Variants in CSMD3 observed in about 807,000 individuals in gnomAD.
CSMD3 encodes CUB and sushi domain-containing protein 3.
Under a neutral mutation model 435.2 loss-of-function variants are expected in CSMD3, and 177 were observed. That is an observed-to-expected ratio of 0.41 (90% confidence interval 0.36 to 0.46). The LOEUF (loss-of-function observed/expected upper bound fraction) is 0.46, where lower values mean the gene tolerates loss of function less well. Among genes scored for constraint, CSMD3 ranks in the 20% least tolerant of loss-of-function variants. CSMD3 has a pLI of 0.34. For synonymous variants in CSMD3, 1,656 were observed against 1,520.5 expected, an observed-to-expected ratio of 1.09 and a Z score of -2.07; for missense variants, 4,265 against 4,504.6, an observed-to-expected ratio of 0.95 and a Z score of 1.52.
chr8:113,433,973 G>A (rs1563817791), intron 1 of CSMD3, among the ~76,000 whole-genome samples: 2 of 152,126 alleles, frequency 1.3e-5, no homozygotes, highest in Non-Finnish European at 2.9e-5. Flanking sequence ...CCTCAGTTTG[G>A]TGCTCTCCAC....
chr8:113,424,190 G>A lies in CSMD3; in HGVS notation c.178+12487C>T, dbSNP rs138172364. ...ATGAGAAAAATGTGAAATACGTGATGATATTTGATGACTTTCCAAACTTTG... is the reference window on the plus strand; with the variant it reads ...ATGAGAAAAATGTGAAATACGTGATAATATTTGATGACTTTCCAAACTTTG... On this transcript the variant is annotated intron_variant, in intron 1 of 70. Coordinates refer to ENST00000297405, the MANE Select transcript of CSMD3 (RefSeq NM_198123.2). Among the ~76,000 whole-genome samples, 8 of 151,766 alleles carry A rather than the reference G, an allele frequency of 5.3e-5. No individual in the cohort carries two copies. The East Asian group carries it at 7.7e-4, about 15-fold the overall frequency.
chr8:113,232,671 A>G (rs2093101760), intron 3 of CSMD3, among the ~76,000 whole-genome samples: 1 of 151,766 alleles, frequency 6.6e-6, no homozygotes. Context: ...AGAAGGAGTA[A>G]TGTCCAGTAT....
intron 4 of CSMD3, among the ~76,000 whole-genome samples, chr8:113,169,342 A>T (rs906357782): frequency 1.3e-5 from 2 of 152,134 alleles, no homozygotes; most frequent in Non-Finnish European, 2.9e-5. Context: ...AATTTACCAT[A>T]CAACATCTAC....
At chr8:113,419,942 A>T (rs2094601933) in intron 1 of CSMD3, among the ~76,000 whole-genome samples, 1 of 152,168 alleles carries the variant, frequency 6.6e-6, no homozygotes. Flanking sequence ...ACAAATATCT[A>T]ATTAAAACTT....
intron 9 of CSMD3, among the ~76,000 whole-genome samples, chr8:112,926,278 G>A (rs1374422278): frequency 6.6e-6 from 1 of 152,030 alleles, no homozygotes; most frequent in Non-Finnish European, 1.5e-5. Context: ...GTGTTTGTGT[G>A]TGTGTATGCA....
chr8:113,426,301 C>T (rs1486005927), intron 1 of CSMD3, among the ~76,000 whole-genome samples: 1 of 151,274 alleles, frequency 6.6e-6, no homozygotes, highest in Non-Finnish European at 1.5e-5. Flanking sequence ...AACTAAATCA[C>T]TTCTAAAAAT....
intron 5 of CSMD3, among the ~76,000 whole-genome samples, chr8:113,090,380 A>G (rs909453416): frequency 6.6e-6 from 1 of 152,172 alleles, no homozygotes; most frequent in Non-Finnish European, 1.5e-5. Context: ...ATATTTGTTT[A>G]TTTAAAAATG....
intron 3 of CSMD3, among the ~76,000 whole-genome samples, chr8:113,189,833 T>C (rs2092558966): frequency 6.6e-6 from 1 of 151,866 alleles, no homozygotes; most frequent in Non-Finnish European, 1.5e-5. Context: ...ACATCAATAA[T>C]TATAGACTGC....
chr8:112,846,625 G>T (rs765993427), intron 11 of CSMD3, among the ~76,000 whole-genome samples: 2 of 151,756 alleles, frequency 1.3e-5, no homozygotes, highest in Non-Finnish European at 2.9e-5. Flanking sequence ...GCTCAGGATG[G>T]TCTCAAATTC....
intron 9 of CSMD3, among the ~76,000 whole-genome samples, chr8:112,930,600 A>C (rs2083074114): frequency 6.6e-6 from 1 of 152,074 alleles, no homozygotes; most frequent in South Asian, 2.1e-4. Flanking sequence ...AATATAAATT[A>C]TTAAAAGAAT....
At position 112,231,472 on chromosome 8, in the gene CSMD3, G is replaced by C. The variant is rs1813080358; in HGVS notation, c.10828+73C>G. The C allele has an allele frequency of 6.3e-6, 6 of 946,460 alleles. No homozygotes were observed. In the South Asian group the frequency reaches 7.8e-5, roughly 12 times the overall value. 58.6% of individuals were successfully genotyped at this position (946,460 alleles called of 1,614,324 possible). ...ATGCAGTAAGTGTACCTAATGTACA[G>C]AATCCACAGTCTTTTTTTTATGATG... On this transcript the variant is annotated intron_variant, in intron 69 of 70. Transcript: ENST00000297405.
rs528524953 is a variant in CSMD3 at position 112,718,807 on chromosome 8, G to T, written c.1973-28757C>A. 5.9e-5 allele frequency among the ~76,000 whole-genome samples: 9 copies of T among 152,098 alleles called. No homozygotes were observed. The South Asian group carries it at 1.9e-3, about 32-fold the overall frequency. Reference sequence around the variant, plus strand: ...CCCACTTATCTGAAGGTGTATAGATGTATGAACCTTGTCTATTTTGTCTTC... The same window carrying T: ...CCCACTTATCTGAAGGTGTATAGATTTATGAACCTTGTCTATTTTGTCTTC... On this transcript the variant is annotated intron_variant, in intron 13 of 70. Transcript: ENST00000297405.
chr8:112,524,978 G>A (rs1351491389), intron 27 of CSMD3, among the ~76,000 whole-genome samples: 1 of 151,172 alleles, frequency 6.6e-6, no homozygotes, highest in African/African-American at 2.4e-5. Flanking sequence ...ATTTTTATTA[G>A]TATTGCCAGA....
chr8:113,229,038 T>A (rs1260811922), intron 3 of CSMD3, among the ~76,000 whole-genome samples: 1 of 151,674 alleles, frequency 6.6e-6, no homozygotes, highest in Non-Finnish European at 1.5e-5. Flanking sequence ...GCATTATTAA[T>A]CATGTATCTC....
At chr8:113,118,686 T>A (rs1442929196) in intron 4 of CSMD3, among the ~76,000 whole-genome samples, 1 of 152,198 alleles carries the variant, frequency 6.6e-6, no homozygotes, top group Non-Finnish European at 1.5e-5. Flanking sequence ...GTATTATTAT[T>A]TTAATAGTGC....
rs542920531 is a variant in CSMD3, at chr8:112,637,971, T to C, written c.3526+725A>G. Among the ~76,000 whole-genome samples the C allele has an allele frequency of 1.3e-4, 19 of 151,950 alleles. 1 individual carries two copies. In the South Asian group the frequency reaches 3.9e-3, roughly 31 times the overall value. ...AGATTTACTTATTAATTTGTGTCTG[T>C]ATTAAGAAATAGCTAGTTGTGTTCA... On this transcript the variant is annotated intron_variant, in intron 21 of 70. Coordinates refer to ENST00000297405, the MANE Select transcript of CSMD3 (RefSeq NM_198123.2).
At chr8:113,196,374 T>C (rs1023371158) in intron 3 of CSMD3, among the ~76,000 whole-genome samples, 2 of 151,208 alleles carry the variant, frequency 1.3e-5, no homozygotes, top group African/African-American at 4.8e-5. Flanking sequence ...ACACATGACT[T>C]ATTTGGGAAA....
intron 6 of CSMD3, among the ~76,000 whole-genome samples, chr8:113,002,497 T>C (rs145966850): frequency 3.3e-5 from 5 of 152,194 alleles, no homozygotes; most frequent in African/African-American, 1.2e-4. Flanking sequence ...ATGATGCAAT[T>C]AGCTTCAATT....
chr8:113,341,913 A>C (rs912491451), intron 1 of CSMD3, among the ~76,000 whole-genome samples: 8 of 152,094 alleles, frequency 5.3e-5, no homozygotes, highest in Non-Finnish European at 1.0e-4. Context: ...GAAAAAATAC[A>C]TAGTTTTGCT....
Sources: allele counts gnomAD v4.1 joint callset (sites outside exome capture counted in the v4.1 genomes callset), GRCh38; gene constraint gnomAD v4.1.1; transcripts MANE v1.5; gene names NCBI Gene and HGNC (gene_info 2026-07-23, HGNC 2026-07-21).